Variants in MUTYH observed in about 807,000 individuals in gnomAD.
MUTYH encodes the protein adenine DNA glycosylase.
A neutral mutation model predicts 72.9 loss-of-function variants in MUTYH; 64 were observed. The observed-to-expected ratio is 0.88, with a 90% CI of 0.72 to 1.08. The LOEUF (loss-of-function observed/expected upper bound fraction) is 1.08. Among genes scored for constraint, MUTYH ranks in the 50% least tolerant of loss-of-function variants. The pLI is 0.00. For missense variants in MUTYH, 633 were observed against 671.0 expected (o/e 0.94, Z 0.63); for synonymous variants, 234 against 263.1 (o/e 0.89, Z 1.07).
intron 1 of MUTYH, among the ~76,000 whole-genome samples, chr1:45,337,160 T>C (rs1315110804): frequency 1.3e-5 from 2 of 151,920 alleles, no homozygotes; most frequent in Admixed American, 1.3e-4. Flanking sequence ...TTTTTTTTTT[T>C]TGGGATGGGG....
In MUTYH at chr1:45,331,242, A is replaced by G. The variant is rs1477315899; in HGVS notation, c.1332T>C (p.Gly444=). The change falls in exon 14 of 16, where the codon GGT becomes GGC. Residue 444 remains glycine (G), a synonymous_variant. Transcript: ENST00000456914. ...GQTPVTTVPP[G]ARWLTQEEFH... is the part of the protein sequence containing the mutation. Reference sequence around the variant, plus strand: ...ATTCCTCCTGCGTCAGCCAGCGAGCACCTGGTGGTACGGTGGTCACTGGGG... The same window carrying G: ...ATTCCTCCTGCGTCAGCCAGCGAGCGCCTGGTGGTACGGTGGTCACTGGGG... The G allele has an allele frequency of 6.2e-7, 1 of 1,614,202 alleles. No homozygotes were observed. The highest frequency in any genetic ancestry group is 2.2e-5 in the East Asian group (1 of 44,890).
At chr1:45,332,536 C>T (rs1457813216) in intron 8 of MUTYH, 38 bp downstream of exon 8, 11 of 1,613,978 alleles carry the variant, frequency 6.8e-6, no homozygotes, top group Non-Finnish European at 8.5e-6. Flanking sequence ...AGGAAGGAGG[C>T]TGGGCACGCA....
At chr1:45,333,053 C>A (rs752685262) in intron 5 of MUTYH, 44 bp downstream of exon 5, 2 of 1,612,400 alleles carry the variant, frequency 1.2e-6, no homozygotes, top group South Asian at 2.2e-5. Flanking sequence ...AGGCTCTCAT[C>A]TGGGGTCTGA....
At chr1:45,333,675 C>G in intron 2 of MUTYH, 114 bp from the exon 3 acceptor site, 1 of 1,465,604 alleles carries the variant, frequency 6.8e-7, no homozygotes, top group Non-Finnish European at 9.1e-7. Flanking sequence ...CCCAACTAAC[C>G]CCCTTAAGCT....
At chr1:45,339,690 C>G in intron 1 of MUTYH, 1 of 540,394 alleles carries the variant, frequency 1.9e-6, no homozygotes, top group Non-Finnish European at 3.2e-6. Context: ...CCCTGGGCAG[C>G]CTCCTCCGAT....
upstream of MUTYH, chr1:45,340,068 T>C (rs988198038): frequency 5.4e-5 from 84 of 1,544,146 alleles, 1 homozygote; most frequent in South Asian, 3.7e-4. Context: ...CACAGGCCAA[T>C]AGGCAATTAG....
At position 45,339,744 on chromosome 1, in the gene MUTYH, C is replaced by CT; in HGVS notation, c.-7+154dup. 3 of 999,640 alleles carry CT rather than the reference C, an allele frequency of 3.0e-6. 1 individual carries two copies. In the South Asian group the frequency reaches 4.1e-5, roughly 14 times the overall value. The allele number at this position is 999,640 out of a possible 1,614,324, so 61.9% of individuals were successfully genotyped here. The stretch of plus-strand genomic sequence containing the variant: ...TTCACTTTCTGGAGATCACTGAGCT[C>CT]TCCATCCTCTCTGGGAATTTACCGA... On this transcript the variant is annotated intron_variant, in intron 1 of 15. Transcript: ENST00000456914.
chr1:45,340,369 C>G, upstream of MUTYH: 1 of 1,562,800 alleles, frequency 6.4e-7, no homozygotes, highest in Non-Finnish European at 8.7e-7. Flanking sequence ...AGGCCTCGGG[C>G]TCATAGTTCT....
upstream of MUTYH, chr1:45,340,360 G>T: frequency 6.4e-7 from 1 of 1,574,202 alleles, no homozygotes; most frequent in Non-Finnish European, 8.6e-7. Context: ...GAGAGGGGAA[G>T]GCCTCGGGCT....
chr1:45,331,830 G>A lies in MUTYH; in HGVS notation c.933C>T (p.Cys311=), dbSNP rs1323382632. The A allele has an allele frequency of 1.2e-6, 2 of 1,606,434 alleles. No individual in the cohort carries two copies. The highest frequency in any genetic ancestry group is 1.7e-5 in the Admixed American group (1 of 58,884). The change falls in exon 12 of 16, where the codon TGC becomes TGT. Residue 311 remains cysteine, a synonymous_variant. Coordinates refer to ENST00000456914, the MANE Select transcript of MUTYH (RefSeq NM_001048174.2). The part of the protein sequence containing the change: ...VEECAPNTGQ[C]HLCLPPSEPW... ...GCTCCGAGGGAGGCAGGCACAGGTG[G>A]CACTGTCCAGTGTTGGGAGCTGGGA...
upstream of MUTYH, chr1:45,340,002 T>C (rs1483492756): frequency 4.5e-6 from 7 of 1,538,678 alleles, no homozygotes; most frequent in African/African-American, 8.2e-5. Flanking sequence ...CGCGCCCGGC[T>C]TTCCGGCGCA....
Position 45,329,362 on chromosome 1 carries a change from A to G in MUTYH, c.1510T>C (p.Phe504Leu). 6.2e-7 allele frequency: 1 copy of G among 1,614,198 alleles called. No homozygotes were observed. Among genetic ancestry groups the G allele is most frequent in the Non-Finnish European group, 8.5e-7 (1 of 1,180,040 alleles). ...TCAGTGGAGATGTGAGACCGAAAGA[A>G]ATTATCCAGGACTTGCTGGCCCATG... ...PRMGQQVLDNFFRSHISTDAH... is the reference protein window; with the variant it reads ...PRMGQQVLDNLFRSHISTDAH... Residue 504 changes from phenylalanine to leucine, a missense_variant, in exon 16 of 16, where the codon TTC becomes CTC. Phe to Leu is a conservative substitution (Grantham distance 22, BLOSUM62 0). Coordinates refer to ENST00000456914, the MANE Select transcript of MUTYH (RefSeq NM_001048174.2).
rs3219471 is a variant in MUTYH at position 45,338,417 on chromosome 1, C to T, written c.-7+1482G>A. 2,751 of 412,852 alleles carry T rather than the reference C, an allele frequency of 6.7e-3. 27 individuals carry two copies. The highest frequency in any genetic ancestry group is 9.1e-3 in the Non-Finnish European group (1,946 of 213,832). The allele number at this position is 412,852 out of a possible 1,614,324, so 25.6% of individuals were successfully genotyped here. ...TGGACTCTTTTATGCTTTTACCTAACACCTTATCATTTTTCAAGTCTTGAC... is the reference window on the plus strand; with the variant it reads ...TGGACTCTTTTATGCTTTTACCTAATACCTTATCATTTTTCAAGTCTTGAC... On this transcript the variant is annotated intron_variant, in intron 1 of 15. Coordinates refer to ENST00000456914, the MANE Select transcript of MUTYH (RefSeq NM_001048174.2).
At chr1:45,329,568 T>C (rs1264789660) in intron 15 of MUTYH, 131 bp from the exon 16 acceptor site, 3 of 1,249,820 alleles carry the variant, frequency 2.4e-6, no homozygotes, top group Non-Finnish European at 3.3e-6. Flanking sequence ...TGTAGAGCTT[T>C]CATCCTGCCT....
chr1:45,334,992 G>T (rs1027008422), intron 1 of MUTYH, among the ~76,000 whole-genome samples: 4 of 152,108 alleles, frequency 2.6e-5, no homozygotes, highest in Non-Finnish European at 5.9e-5. Context: ...GGATCAGAGG[G>T]ACAAAAGATC....
At chr1:45,334,694 T>G (rs1005505806) in intron 1 of MUTYH, among the ~76,000 whole-genome samples, 183 bp from the exon 2 acceptor site, 1 of 152,192 alleles carries the variant, frequency 6.6e-6, no homozygotes, top group African/African-American at 2.4e-5. Context: ...ACAACTAGTA[T>G]AGCTGAGCAA....
upstream of MUTYH, chr1:45,340,110 C>G: frequency 6.4e-7 from 1 of 1,557,240 alleles, no homozygotes; most frequent in Non-Finnish European, 8.7e-7. Context: ...CGCGCCGGAC[C>G]CGGGACGTCT....
intron 15 of MUTYH, 62 bp from the exon 16 acceptor site, chr1:45,329,499 C>T (rs1210545981): frequency 6.3e-7 from 1 of 1,595,360 alleles, no homozygotes; most frequent in Non-Finnish European, 8.6e-7. Flanking sequence ...AGAATCCTCT[C>T]CTTGTCCTCT....
intron 1 of MUTYH, among the ~76,000 whole-genome samples, chr1:45,337,299 C>T (rs1324863946): frequency 2.6e-5 from 4 of 151,082 alleles, no homozygotes; most frequent in East Asian, 1.9e-4. Flanking sequence ...GGACCACAGG[C>T]GCACACCACC....
Sources: allele counts gnomAD v4.1 joint callset (sites outside exome capture counted in the v4.1 genomes callset), GRCh38; gene constraint gnomAD v4.1.1; transcripts MANE v1.5; gene names NCBI Gene and HGNC (gene_info 2026-07-23, HGNC 2026-07-21).